DPYD: variants seen among roughly 807,000 people sequenced by gnomAD.
DPYD encodes the protein dihydropyrimidine dehydrogenase, also known as dihydropyrimidine dehydrogenase [NADP(+)].
In DPYD, 109 loss-of-function variants were observed where a neutral mutation model predicts 116.2. The observed-to-expected ratio is 0.94, with a 90% CI of 0.80 to 1.10. The LOEUF is 1.10. DPYD is among the 50% of genes least tolerant of loss of function. The pLI, the probability that DPYD is intolerant of heterozygous loss-of-function variation, is 0.00. For missense variants in DPYD, 1,302 were observed against 1,254.5 expected (o/e 1.04, Z -0.57); for synonymous variants, 440 against 432.0 (o/e 1.02, Z -0.23).
chr1:97,728,412 C>T (rs1345783721), intron 4 of DPYD, among the ~76,000 whole-genome samples: 1 of 151,956 alleles, frequency 6.6e-6, no homozygotes. Context: ...GCATTAGTGT[C>T]ATTCCTCCAC....
intron 1 of DPYD, among the ~76,000 whole-genome samples, chr1:97,903,989 T>C (rs1260095688): frequency 1.3e-5 from 2 of 151,802 alleles, no homozygotes; most frequent in Admixed American, 6.6e-5. Context: ...GGAGAGAGGA[T>C]AGCTAACATC....
intron 16 of DPYD, among the ~76,000 whole-genome samples, chr1:97,357,845 C>T (rs906519813): frequency 1.3e-5 from 2 of 152,050 alleles, no homozygotes; most frequent in Non-Finnish European, 2.9e-5. Context: ...CTGAGATGGC[C>T]GAATAGGAAC....
At chr1:97,857,711 TC>T (rs1670916678) in intron 2 of DPYD, among the ~76,000 whole-genome samples, 1 of 152,140 alleles carries the variant, frequency 6.6e-6, no homozygotes. Context: ...AACAAGTGTT[TC>T]TCTGAGTCCT....
At chr1:97,515,473 A>G (rs570517820) in intron 13 of DPYD, among the ~76,000 whole-genome samples, 76 of 152,142 alleles carry the variant, frequency 5.0e-4, no homozygotes, top group Admixed American at 1.4e-3. Context: ...AGATTATTAA[A>G]TGAAAAAGTC....
intron 18 of DPYD, chr1:97,280,090 A>G (rs529773958): frequency 6.6e-6 from 1 of 152,314 alleles, no homozygotes; most frequent in African/African-American, 2.4e-5. Flanking sequence ...CTCCTCTGCA[A>G]TAAAGCTCCC....
intron 18 of DPYD, among the ~76,000 whole-genome samples, chr1:97,301,155 T>A (rs968761692): frequency 6.6e-6 from 1 of 152,122 alleles, no homozygotes; most frequent in African/African-American, 2.4e-5. Flanking sequence ...CACAGTCATT[T>A]ACTGGATTCT....
intron 16 of DPYD, among the ~76,000 whole-genome samples, chr1:97,364,309 T>A (rs1335185579): frequency 6.6e-6 from 1 of 152,178 alleles, no homozygotes; most frequent in African/African-American, 2.4e-5. Flanking sequence ...TTCTGATGAA[T>A]CATGAACACA....
intron 19 of DPYD, among the ~76,000 whole-genome samples, chr1:97,195,046 T>A (rs182615416): frequency 7.9e-5 from 12 of 152,264 alleles, no homozygotes; most frequent in South Asian, 2.1e-4. Flanking sequence ...AATTTTGATA[T>A]CACATGTAGA....
At chr1:97,366,077 T>G (rs1671022100) in intron 16 of DPYD, among the ~76,000 whole-genome samples, 1 of 152,144 alleles carries the variant, frequency 6.6e-6, no homozygotes, top group African/African-American at 2.4e-5. Flanking sequence ...CAGCAAAAAT[T>G]TTTACATCAT....
At chr1:97,279,666 T>TG (rs1665180213) in intron 18 of DPYD, among the ~76,000 whole-genome samples, 1 of 152,132 alleles carries the variant, frequency 6.6e-6, no homozygotes, top group Non-Finnish European at 1.5e-5. Context: ...TGCATGACCA[T>TG]GCCTGGCTAA....
At chr1:97,186,790 G>A (rs77311921) in intron 20 of DPYD, among the ~76,000 whole-genome samples, 1 of 152,200 alleles carries the variant, frequency 6.6e-6, no homozygotes, top group South Asian at 2.1e-4. Flanking sequence ...CAGGGTTGCA[G>A]TGAGCCGAGA....
chr1:97,764,729 A>G (rs935092499), intron 3 of DPYD, among the ~76,000 whole-genome samples: 4 of 152,094 alleles, frequency 2.6e-5, no homozygotes, highest in Non-Finnish European at 5.9e-5. Flanking sequence ...GCTGATTTAT[A>G]AATAGCTTCA....
Position 97,078,720 on chromosome 1 carries a change from C to T in DPYD, c.*256G>A. 2.1e-6 allele frequency: 1 copy of T among 473,076 alleles called. No homozygotes were observed. Among genetic ancestry groups the T allele is most frequent in the South Asian group, 2.2e-5 (1 of 45,744 alleles). The allele number at this position is 473,076 out of a possible 1,614,324, so 29.3% of individuals were successfully genotyped here. Reference sequence around the variant, plus strand: ...TTCACATAAGACAACTGGCAGTGAACATCCAATTAACTGCCACACAGTTAT... The same window carrying T: ...TTCACATAAGACAACTGGCAGTGAATATCCAATTAACTGCCACACAGTTAT... On this transcript the variant is annotated 3_prime_UTR_variant, in exon 23 of 23. Transcript: ENST00000370192.
intron 14 of DPYD, among the ~76,000 whole-genome samples, chr1:97,402,739 T>C (rs563490099): frequency 4.6e-5 from 7 of 152,260 alleles, no homozygotes; most frequent in African/African-American, 1.7e-4. Flanking sequence ...TGATATTAGC[T>C]GAAGGTATTT....
chr1:97,381,711 G>T (rs1394427541), intron 15 of DPYD, among the ~76,000 whole-genome samples: 1 of 152,162 alleles, frequency 6.6e-6, no homozygotes, highest in Non-Finnish European at 1.5e-5. Flanking sequence ...TTACTGAGAG[G>T]TTTTCAAGGA....
intron 16 of DPYD, 60 bp from the exon 17 acceptor site, chr1:97,306,357 A>G (rs1219563840): frequency 6.2e-7 from 1 of 1,605,136 alleles, no homozygotes; most frequent in African/African-American, 1.3e-5. Flanking sequence ...CAAAATGTGT[A>G]CTGGAACAAC....
rs192573536 is a variant in DPYD, at chr1:97,613,016, C to A, written c.851-17850G>T. Among the ~76,000 whole-genome samples the A allele has an allele frequency of 6.7e-3, 1,022 of 151,994 alleles. 4 individuals carry two copies. Among genetic ancestry groups the A allele is most frequent in the Non-Finnish European group, 0.011 (755 of 67,950 alleles). Reference sequence around the variant, plus strand: ...GTTATCCATCACATTTTTATTACTACCCTAAAATGCTAAATAGTAGCATAA... The same window carrying A: ...GTTATCCATCACATTTTTATTACTAACCTAAAATGCTAAATAGTAGCATAA... On this transcript the variant is annotated intron_variant, in intron 8 of 22. Transcript: ENST00000370192.
At chr1:97,576,450 C>A (rs1433401067) in intron 10 of DPYD, among the ~76,000 whole-genome samples, 3 of 152,054 alleles carry the variant, frequency 2.0e-5, no homozygotes, top group African/African-American at 7.2e-5. Flanking sequence ...TCTATTAATA[C>A]CTCTACAGTA....
At chr1:97,702,004 AATT>A (rs1661625800) in intron 5 of DPYD, among the ~76,000 whole-genome samples, 1 of 151,730 alleles carries the variant, frequency 6.6e-6, no homozygotes, top group Admixed American at 6.6e-5. Context: ...ATAATTTACA[AATT>A]ATTAATATGT....
Sources: allele counts gnomAD v4.1 joint callset (sites outside exome capture counted in the v4.1 genomes callset), GRCh38; gene constraint gnomAD v4.1.1; transcripts MANE v1.5; gene names NCBI Gene and HGNC (gene_info 2026-07-23, HGNC 2026-07-21).